The following ENOX1 variants were observed in gnomAD, a reference collection of about 807,000 sequenced individuals.
The protein encoded by ENOX1 is ecto-NOX disulfide-thiol exchanger 1.
ENOX1 carries 42 observed loss-of-function variants against 82.5 expected under a neutral mutation model. That is an observed-to-expected ratio of 0.51 (90% confidence interval 0.40 to 0.66). ENOX1 has a LOEUF of 0.66. ENOX1 is among the 30% of genes least tolerant of loss of function. The probability of loss-of-function intolerance (pLI) is 0.00; values close to 1 mark genes in which losing one functional copy is unlikely to be tolerated. For missense variants in ENOX1, 608 were observed against 811.6 expected (o/e 0.75, Z 3.05); for synonymous variants, 271 against 282.2 (o/e 0.96, Z 0.40).
At chr13:43,272,420 GC>G (rs1416061380) in intron 12 of ENOX1, among the ~76,000 whole-genome samples, 7 of 152,184 alleles carry the variant, frequency 4.6e-5, no homozygotes, top group Admixed American at 4.6e-4. Flanking sequence ...GGATGGTTAT[GC>G]CAGTCTACCT....
At position 43,753,551 on chromosome 13, in the gene ENOX1, G is replaced by C. The variant is rs181001931; in HGVS notation, c.-285+33101C>G. 3.2e-4 allele frequency among the ~76,000 whole-genome samples: 48 copies of C among 152,248 alleles called. 3 individuals are homozygous for C. Among genetic ancestry groups the C allele is most frequent in the African/African-American group, 1.1e-3 (45 of 41,544 alleles). On this transcript the variant is annotated intron_variant, in intron 1 of 16. Coordinates refer to ENST00000690772, the MANE Select transcript of ENOX1 (RefSeq NM_001347969.2). ...AGAGGACACTGGAATTAAGAATTAA[G>C]ATCAACATTTTGATGCCTAAGGGGA... is the stretch of plus-strand genomic sequence containing the variant.
chr13:43,349,192 T>C (rs981609494), intron 8 of ENOX1, among the ~76,000 whole-genome samples: 1 of 152,240 alleles, frequency 6.6e-6, no homozygotes, highest in African/African-American at 2.4e-5. Flanking sequence ...GAGAGATAGA[T>C]GTTCTCATGA....
intron 11 of ENOX1, among the ~76,000 whole-genome samples, chr13:43,309,344 C>T (rs4942207): frequency 0.95 from 145,024 of 152,108 alleles, 69,549 homozygotes; most frequent in East Asian, 1. Context: ...CTTTACTGTA[C>T]TCACTGACTC....
At chr13:43,572,502 T>C (rs1426699836) in intron 2 of ENOX1, among the ~76,000 whole-genome samples, 1 of 151,840 alleles carries the variant, frequency 6.6e-6, no homozygotes, top group Non-Finnish European at 1.5e-5. Flanking sequence ...TCCAGGGGAG[T>C]CATGGCACTC....
At chr13:43,270,651 T>C (rs2044630846) in intron 12 of ENOX1, among the ~76,000 whole-genome samples, 1 of 152,154 alleles carries the variant, frequency 6.6e-6, no homozygotes, top group Non-Finnish European at 1.5e-5. Context: ...TTGGGGGGAT[T>C]TTGCAGGGTA....
At chr13:43,217,970 G>C (rs917699997) in intron 16 of ENOX1, among the ~76,000 whole-genome samples, 13 of 152,182 alleles carry the variant, frequency 8.5e-5, no homozygotes, top group African/African-American at 3.1e-4. Context: ...GCCAGGTACT[G>C]TTCTGGAATG....
At chr13:43,412,077 T>C (rs370024612) in intron 4 of ENOX1, 24 bp from the exon 5 acceptor site, 70 of 1,610,118 alleles carry the variant, frequency 4.3e-5, no homozygotes, top group Non-Finnish European at 5.4e-5. Flanking sequence ...CAAACCATGA[T>C]TTAGAGTCCA....
intron 3 of ENOX1, among the ~76,000 whole-genome samples, chr13:43,481,947 A>T (rs926603017): frequency 1.3e-5 from 2 of 152,230 alleles, no homozygotes; most frequent in Non-Finnish European, 2.9e-5. Flanking sequence ...TACAAATCAA[A>T]ACCACAACGA....
chr13:43,430,774 T>A (rs569607130), intron 3 of ENOX1, among the ~76,000 whole-genome samples: 1 of 152,330 alleles, frequency 6.6e-6, no homozygotes, highest in East Asian at 1.9e-4. Flanking sequence ...TTGTTGATTG[T>A]TCATAGCTCC....
At chr13:43,610,823 T>C (rs549820283) in intron 2 of ENOX1, among the ~76,000 whole-genome samples, 2 of 152,184 alleles carry the variant, frequency 1.3e-5, no homozygotes, top group South Asian at 4.1e-4. Context: ...GTAACAACTT[T>C]TAAACTTAAT....
At chr13:43,665,815 T>C (rs57985080) in intron 2 of ENOX1, among the ~76,000 whole-genome samples, 6,902 of 151,428 alleles carry the variant, frequency 0.046, 174 homozygotes, top group African/African-American at 0.063. Context: ...GCGTAATACC[T>C]GCCCACCTCT....
intron 1 of ENOX1, among the ~76,000 whole-genome samples, chr13:43,720,297 A>G (rs978570161): frequency 6.6e-6 from 1 of 152,188 alleles, no homozygotes; most frequent in Admixed American, 6.5e-5. Flanking sequence ...CTGCTCCCTG[A>G]ACCTACCAGT....
At chr13:43,329,629 T>C (rs535400088) in intron 9 of ENOX1, among the ~76,000 whole-genome samples, 1 of 152,318 alleles carries the variant, frequency 6.6e-6, no homozygotes, top group African/African-American at 2.4e-5. Context: ...TCTTGTATTC[T>C]TTTTCAATAG....
chr13:43,393,911 A>C (rs1287440922), intron 5 of ENOX1, among the ~76,000 whole-genome samples: 1 of 152,116 alleles, frequency 6.6e-6, no homozygotes, highest in African/African-American at 2.4e-5. Flanking sequence ...TTCCTGTGGT[A>C]ATGAATGAGT....
intron 14 of ENOX1, among the ~76,000 whole-genome samples, chr13:43,256,816 A>AT (rs1050942726): frequency 3.9e-4 from 59 of 152,368 alleles, no homozygotes; most frequent in African/African-American, 1.3e-3. Context: ...CTGGGTATAT[A>AT]TTCAAAAGAA....
intron 2 of ENOX1, among the ~76,000 whole-genome samples, chr13:43,589,287 T>A (rs1034840515): frequency 6.1e-4 from 90 of 147,354 alleles, no homozygotes; most frequent in African/African-American, 2.2e-3. Flanking sequence ...GACCCTAAAT[T>A]CAACGGGTAC....
At chr13:43,654,872 G>A (rs187112931) in intron 2 of ENOX1, among the ~76,000 whole-genome samples, 1 of 152,292 alleles carries the variant, frequency 6.6e-6, no homozygotes, top group East Asian at 1.9e-4. Flanking sequence ...ACACTAATCA[G>A]ACTGTTTACC....
chr13:43,273,859 C>G (rs542315658), intron 12 of ENOX1, among the ~76,000 whole-genome samples: 1 of 152,300 alleles, frequency 6.6e-6, no homozygotes, highest in Admixed American at 6.5e-5. Flanking sequence ...TCTTCCCAAC[C>G]AGACTACATT....
At chr13:43,383,820 G>A (rs1368852916) in intron 5 of ENOX1, among the ~76,000 whole-genome samples, 1 of 152,210 alleles carries the variant, frequency 6.6e-6, no homozygotes, top group African/African-American at 2.4e-5. Flanking sequence ...GCATGAATTT[G>A]TTGGGCAATG....
Sources: allele counts gnomAD v4.1 joint callset (sites outside exome capture counted in the v4.1 genomes callset), GRCh38; gene constraint gnomAD v4.1.1; transcripts MANE v1.5; gene names NCBI Gene and HGNC (gene_info 2026-07-23, HGNC 2026-07-21).